GAN: variants seen among roughly 807,000 people sequenced by gnomAD.
GAN encodes the protein epididymis secretory sperm binding protein.
In GAN, 48 loss-of-function variants were observed where a neutral mutation model predicts 71.3. The ratio of observed to expected loss-of-function variants is 0.67; its 90% CI spans 0.53 to 0.86. GAN has a LOEUF of 0.86. GAN is among the 40% of genes least tolerant of loss of function. GAN has a pLI of 0.00. For synonymous variants in GAN, 386 were observed against 276.8 expected (o/e 1.39, Z -3.92); for missense variants, 928 against 770.1 (o/e 1.21, Z -2.43).
chr16:81,325,395 AG>A lies in GAN; in HGVS notation c.167+10117del, dbSNP rs372892440. Reference sequence around the variant, plus strand: ...CAGCAGGGCCATTGAGGCAGAACAAAGGATAAATGCAGGAACATCAGGCTTG... The same window carrying A: ...CAGCAGGGCCATTGAGGCAGAACAAAGATAAATGCAGGAACATCAGGCTTG... On this transcript the variant is annotated intron_variant, in intron 1 of 10. Transcript: ENST00000648994. 1.1e-3 allele frequency among the ~76,000 whole-genome samples: 160 copies of A among 152,318 alleles called. 3 individuals carry two copies. The South Asian group carries it at 0.033, about 31-fold the overall frequency.
chr16:81,356,788 C>A lies in GAN; in HGVS notation c.637C>A (p.His213Asn), dbSNP rs755664230. 5 of 1,606,230 alleles carry A rather than the reference C, an allele frequency of 3.1e-6. No homozygotes were observed. The highest frequency in any genetic ancestry group is 3.4e-6 in the Non-Finnish European group (4 of 1,172,878). The change falls in exon 4 of 11, where the codon CAC (histidine) becomes AAC (asparagine). Residue 213 changes from histidine to asparagine, a missense_variant. By Grantham distance (68) the His-to-Asn change is moderately conservative. Transcript: ENST00000648994. Reference sequence around the variant, plus strand: ...ATCTTTCTTCCCTCTTCTGCAGGTCCACATGAAGGATGTTATGTCAGCTCT... The same window carrying A: ...ATCTTTCTTCCCTCTTCTGCAGGTCAACATGAAGGATGTTATGTCAGCTCT... ...IAHDTEIRKV[H>N]MKDVMSALWV...
At chr16:81,371,376 G>A (rs1075352) in intron 9 of GAN, among the ~76,000 whole-genome samples, 2,488 of 152,274 alleles carry the variant, frequency 0.016, 64 homozygotes, top group East Asian at 0.11. Context: ...CTGTTGAGGA[G>A]TTCTGGACTG....
At chr16:81,342,786 C>A (rs1034924605) in intron 1 of GAN, among the ~76,000 whole-genome samples, 1 of 152,074 alleles carries the variant, frequency 6.6e-6, no homozygotes, top group Non-Finnish European at 1.5e-5. Context: ...AAGATCAGAG[C>A]AGAACTGAAG....
Position 81,354,259 on chromosome 16 carries a change from C to T in GAN, c.283-146C>T, listed in dbSNP as rs1233747450. The T allele has an allele frequency of 5.0e-6, 3 of 605,688 alleles. No homozygotes were observed. The East Asian group carries it at 8.6e-5, about 17-fold the overall frequency. 37.5% of individuals were successfully genotyped at this position (605,688 alleles called of 1,614,324 possible). On this transcript the variant is annotated intron_variant, in intron 2 of 10. Coordinates refer to ENST00000648994, the MANE Select transcript of GAN (RefSeq NM_022041.4). ...ACTCTTGGAAAAAAAAAAAAAAATG[C>T]TGGGTTAAACCATATGAAATTGCCA...
At chr16:81,330,517 A>AAGTG (rs1299701898) in intron 1 of GAN, among the ~76,000 whole-genome samples, 1 of 152,252 alleles carries the variant, frequency 6.6e-6, no homozygotes, top group East Asian at 1.9e-4. Flanking sequence ...GTGCATGGAT[A>AAGTG]AGTGAATGAA....
chr16:81,364,750 G>C (rs1042438059), intron 7 of GAN, among the ~76,000 whole-genome samples: 1 of 152,220 alleles, frequency 6.6e-6, no homozygotes, highest in African/African-American at 2.4e-5. Context: ...AATAGTATCA[G>C]TTGGAGTAAG....
chr16:81,373,600 C>T (rs555238099), intron 9 of GAN, among the ~76,000 whole-genome samples: 1 of 152,052 alleles, frequency 6.6e-6, no homozygotes, highest in Admixed American at 6.6e-5. Context: ...TTATGTTGTC[C>T]AAAATTATTA....
At chr16:81,376,454 T>TATAC (rs1284843283) in intron 9 of GAN, among the ~76,000 whole-genome samples, 51 of 145,398 alleles carry the variant, frequency 3.5e-4, no homozygotes, top group Non-Finnish European at 5.3e-4. Context: ...ATCCCATCTT[T>TATAC]ATACATACAT....
chr16:81,353,583 GT>G (rs1415471053), intron 2 of GAN, among the ~76,000 whole-genome samples: 3 of 152,126 alleles, frequency 2.0e-5, no homozygotes, highest in African/African-American at 7.2e-5. Context: ...ATGTAAAAAT[GT>G]TTCTTGCTAT....
intron 1 of GAN, among the ~76,000 whole-genome samples, chr16:81,345,879 C>G (rs1910101629): frequency 1.3e-5 from 2 of 152,222 alleles, no homozygotes; most frequent in South Asian, 4.1e-4. Context: ...TGTAACCGTT[C>G]CACCTCAGAT....
chr16:81,346,802 G>C (rs12921222), intron 1 of GAN, among the ~76,000 whole-genome samples: 62,570 of 151,982 alleles, frequency 0.41, 13,514 homozygotes, highest in Middle Eastern at 0.53. Flanking sequence ...TGCTGGGAGA[G>C]AAGACTGCCT....
intron 1 of GAN, among the ~76,000 whole-genome samples, chr16:81,317,231 A>G (rs1026586316): frequency 2.0e-5 from 3 of 152,246 alleles, no homozygotes; most frequent in Admixed American, 2.0e-4. Context: ...TATTGAATGA[A>G]TGACTGCCTT....
At chr16:81,330,551 A>G (rs1004172789) in intron 1 of GAN, among the ~76,000 whole-genome samples, 4 of 152,262 alleles carry the variant, frequency 2.6e-5, no homozygotes, top group African/African-American at 9.6e-5. Context: ...AAACTAATAA[A>G]TGGAGGAGAG....
At position 81,325,220 on chromosome 16, in the gene GAN, G is replaced by A. The variant is rs189403379; in HGVS notation, c.167+9940G>A. On this transcript the variant is annotated intron_variant, in intron 1 of 10. Transcript: ENST00000648994. The stretch of plus-strand genomic sequence containing the variant: ...TACAGCTTAGTTGTGAAAAAACAAA[G>A]TATAGAACAAAAGCTATTTTAATTT... Among the ~76,000 whole-genome samples the A allele has an allele frequency of 8.3e-4, 127 of 152,328 alleles. No homozygotes were observed. In the Middle Eastern group the frequency reaches 0.01, roughly 12 times the overall value.
rs1904327618 is a variant in GAN, at chr16:81,383,801, A to G, written c.*6205A>G. 6.6e-6 allele frequency: 1 copy of G among 152,126 alleles called. No homozygotes were observed. 9.4% of individuals were successfully genotyped at this position (152,126 alleles called of 1,614,324 possible). ...GACACACGGCCTTAAGATGAAGTGA[A>G]CGAGTAGACACTGAATAGGATCCAC... On this transcript the variant is annotated 3_prime_UTR_variant, in exon 11 of 11. Coordinates refer to ENST00000648994, the MANE Select transcript of GAN (RefSeq NM_022041.4).
At chr16:81,347,420 T>C (rs1910154884) in intron 1 of GAN, among the ~76,000 whole-genome samples, 1 of 152,262 alleles carries the variant, frequency 6.6e-6, no homozygotes, top group African/African-American at 2.4e-5. Context: ...TGCTGGTACA[T>C]AGCTGTCATT....
intron 1 of GAN, among the ~76,000 whole-genome samples, chr16:81,331,170 G>A (rs776891051): frequency 1.3e-5 from 2 of 152,150 alleles, no homozygotes; most frequent in African/African-American, 2.4e-5. Flanking sequence ...GCACCACTGC[G>A]CTCTACCCTG....
At chr16:81,328,768 G>T (rs1285895539) in intron 1 of GAN, among the ~76,000 whole-genome samples, 1 of 151,620 alleles carries the variant, frequency 6.6e-6, no homozygotes, top group Non-Finnish European at 1.5e-5. Context: ...GGATTTTAAA[G>T]TGTTGTGTGT....
chr16:81,372,091 TC>T (rs1362849180), intron 9 of GAN: 3 of 152,338 alleles, frequency 2.0e-5, no homozygotes, highest in African/African-American at 7.2e-5. Context: ...TTCCTGTCAT[TC>T]CCCTTCTACT....
Sources: allele counts gnomAD v4.1 joint callset (sites outside exome capture counted in the v4.1 genomes callset), GRCh38; gene constraint gnomAD v4.1.1; transcripts MANE v1.5; gene names NCBI Gene and HGNC (gene_info 2026-07-23, HGNC 2026-07-21).